Variants in RAD21 observed in about 807,000 individuals in gnomAD.
The protein encoded by RAD21 is double-strand-break repair protein rad21 homolog.
RAD21 carries 18 observed loss-of-function variants against 71.5 expected under a neutral mutation model. That is an observed-to-expected ratio of 0.25 (90% confidence interval 0.17 to 0.37). The LOEUF (loss-of-function observed/expected upper bound fraction) is 0.37. Ranked by LOEUF, RAD21 falls within the 10% of genes least tolerant of loss-of-function variation. RAD21 has a pLI of 1.00. For missense variants in RAD21, 493 were observed against 769.1 expected (o/e 0.64, Z 4.25); for synonymous variants, 248 against 254.0 (o/e 0.98, Z 0.22).
Position 116,874,651 on chromosome 8 carries a change from G to A in RAD21, c.-73C>T. On this transcript the variant is annotated 5_prime_UTR_variant, in exon 1 of 14. Coordinates refer to ENST00000297338, the MANE Select transcript of RAD21 (RefSeq NM_006265.3). ...GAGTTGGGCGGGCTGGGTGGCCCGG[G>A]GAGGGGAAAAGGGTCGGGGGAGGGG... The A allele has an allele frequency of 2.7e-6, 1 of 367,342 alleles. No individual in the cohort carries two copies. Among genetic ancestry groups the A allele is most frequent in the South Asian group, 2.0e-5 (1 of 50,396 alleles). The allele number at this position is 367,342 out of a possible 1,614,324, so 22.8% of individuals were successfully genotyped here. A position where few individuals can be genotyped will look rare whatever the true frequency, so the allele number is the denominator to read the frequency against.
At position 116,847,077 on chromosome 8, in the gene RAD21, T is replaced by C. The variant is rs1812265087; in HGVS notation, c.*423A>G. 1 of 230,082 alleles carries C rather than the reference T, an allele frequency of 4.3e-6. No homozygotes were observed. Among genetic ancestry groups the C allele is most frequent in the Non-Finnish European group, 8.6e-6 (1 of 116,130 alleles). The allele number at this position is 230,082 out of a possible 1,614,324, so 14.3% of individuals were successfully genotyped here. A position where few individuals can be genotyped will look rare whatever the true frequency, so the allele number is the denominator to read the frequency against. On this transcript the variant is annotated 3_prime_UTR_variant, in exon 14 of 14. Transcript: ENST00000297338. ...TGATGGAAAGAAGTGTTTGTTTGTT[T>C]TTTTTTCTTGTCAAAGACTTACACC...
chr8:116,850,721 G>T lies in RAD21; in HGVS notation c.1517C>A (p.Pro506Gln). Residue 506 changes from proline to glutamine, a missense_variant, in exon 12 of 14, where the codon CCA becomes CAA. Coordinates refer to ENST00000297338, the MANE Select transcript of RAD21 (RefSeq NM_006265.3). Reference sequence around the variant, plus strand: ...CTGACAGATATTTGGAGGTTCTTCTGGGGGAAGCTCTACAGGTGGTATTTC... The same window carrying T: ...CTGACAGATATTTGGAGGTTCTTCTTGGGGAAGCTCTACAGGTGGTATTTC... ...QMEIPPVELP[P>Q]EEPPNICQLI... is the part of the protein sequence containing the mutation. 6.2e-7 allele frequency: 1 copy of T among 1,613,296 alleles called. No homozygotes were observed. Among genetic ancestry groups the T allele is most frequent in the African/African-American group, 1.3e-5 (1 of 74,960 alleles).
chr8:116,858,657 T>C (rs1379661175), intron 4 of RAD21, among the ~76,000 whole-genome samples, 199 bp from the exon 5 acceptor site: 2 of 152,168 alleles, frequency 1.3e-5, no homozygotes, highest in African/African-American at 4.8e-5. Context: ...GTATTTAAAT[T>C]TGAAAAGCAT....
intron 2 of RAD21, among the ~76,000 whole-genome samples, chr8:116,866,362 T>C (rs775330924): frequency 1.3e-5 from 2 of 150,994 alleles, no homozygotes; most frequent in Non-Finnish European, 2.9e-5. Flanking sequence ...CCATTAAAAA[T>C]AGGCAAATCA....
At chr8:116,869,394 G>A (rs1217289887) in intron 1 of RAD21, among the ~76,000 whole-genome samples, 6 of 152,230 alleles carry the variant, frequency 3.9e-5, no homozygotes. Context: ...AGACCAGTCA[G>A]GACAATTTGG....
At chr8:116,863,385 C>A (rs534327825) in intron 2 of RAD21, 126 bp from the exon 3 acceptor site, 3 of 991,182 alleles carry the variant, frequency 3.0e-6, no homozygotes, top group South Asian at 2.2e-5. Flanking sequence ...CCTATAAATT[C>A]CCTGAATATC....
chr8:116,874,450 G>C (rs1316327828), intron 1 of RAD21, 161 bp downstream of exon 1: 1 of 206,554 alleles, frequency 4.8e-6, no homozygotes, highest in African/African-American at 2.4e-5. Flanking sequence ...TGGCGCCGCC[G>C]CTTGGGCGCC....
intron 13 of RAD21, among the ~76,000 whole-genome samples, chr8:116,848,270 AAAAGG>A (rs1293478698): frequency 6.6e-6 from 1 of 152,236 alleles, no homozygotes; most frequent in Non-Finnish European, 1.5e-5. Flanking sequence ...TCAAGAGGGT[AAAAGG>A]CCAAAGTATG....
intron 4 of RAD21, among the ~76,000 whole-genome samples, chr8:116,861,023 GC>G (rs576105934): frequency 6.1e-4 from 93 of 152,116 alleles, no homozygotes; most frequent in Non-Finnish European, 1.1e-3. Context: ...CTAGTTATTA[GC>G]TATGTTTAAA....
intron 2 of RAD21, among the ~76,000 whole-genome samples, chr8:116,864,684 G>A (rs537972304): frequency 6.6e-6 from 1 of 151,884 alleles, no homozygotes; most frequent in Non-Finnish European, 1.5e-5. Flanking sequence ...AACAAAGGAG[G>A]GAAAAAAAAC....
At chr8:116,861,805 C>A (rs1216608008) in intron 4 of RAD21, 36 bp downstream of exon 4, 1 of 1,518,192 alleles carries the variant, frequency 6.6e-7, no homozygotes, top group Non-Finnish European at 9.1e-7. Context: ...TTATTGCAGA[C>A]CAAGTCAACA....
chr8:116,849,035 T>C lies in RAD21; in HGVS notation c.1621-6A>G, dbSNP rs1400544083. 5 of 1,568,304 alleles carry C rather than the reference T, an allele frequency of 3.2e-6. No individual in the cohort carries two copies. The highest frequency in any genetic ancestry group is 2.3e-5 in the East Asian group (1 of 43,044). On this transcript the variant is annotated splice_polypyrimidine_tract_variant and splice_region_variant and intron_variant, in intron 12 of 13. Coordinates refer to ENST00000297338, the MANE Select transcript of RAD21 (RefSeq NM_006265.3). Reference sequence around the variant, plus strand: ...CCCCCTGATGCATCTTCATCCTGAATAAAAATGACCCCCAAAAAGCTGACA... The same window carrying C: ...CCCCCTGATGCATCTTCATCCTGAACAAAAATGACCCCCAAAAAGCTGACA...
intron 4 of RAD21, among the ~76,000 whole-genome samples, chr8:116,861,226 T>C (rs1812586241): frequency 6.6e-6 from 1 of 151,918 alleles, no homozygotes; most frequent in South Asian, 2.1e-4. Context: ...TGGTTGTCAG[T>C]TATGCTAATA....
At chr8:116,867,042 A>G (rs981769208) in intron 1 of RAD21, 3 of 198,622 alleles carry the variant, frequency 1.5e-5, no homozygotes, top group African/African-American at 6.9e-5. Context: ...ATCTTGATTG[A>G]CAGTAGAAAT....
rs2130466739 is a variant in RAD21 at position 116,856,278 on chromosome 8, A to T, written c.825T>A (p.Pro275=). The T allele has an allele frequency of 1.3e-6, 2 of 1,486,162 alleles. No individual in the cohort carries two copies. Among genetic ancestry groups the T allele is most frequent in the Non-Finnish European group, 1.8e-6 (2 of 1,126,414 alleles). 92.1% of individuals were successfully genotyped at this position (1,486,162 alleles called of 1,614,324 possible). Residue 275 remains proline (P), a synonymous_variant, in exon 8 of 14, where the codon CCT becomes CCA. Transcript: ENST00000297338. The stretch of plus-strand genomic sequence containing the variant: ...CGGGATCCACTGAATCAGGACTATC[A>T]GGCCCACCCACTGTAAAAAAAAAAA... ...DEDDNVSMGG[P]DSPDSVDPVE... is the part of the protein sequence containing the mutation.
intron 3 of RAD21, 23 bp downstream of exon 3, chr8:116,863,107 A>G (rs1812624652): frequency 6.3e-7 from 1 of 1,578,580 alleles, no homozygotes; most frequent in African/African-American, 1.4e-5. Flanking sequence ...ACAACAACAA[A>G]AACCAAACAA....
intron 12 of RAD21, 123 bp downstream of exon 12, chr8:116,850,495 T>C: frequency 6.9e-7 from 1 of 1,444,276 alleles, no homozygotes; most frequent in South Asian, 1.4e-5. Context: ...AAAATTTTGC[T>C]TATATTCTAA....
At chr8:116,854,126 A>G in intron 9 of RAD21, 119 bp downstream of exon 9, 3 of 749,122 alleles carry the variant, frequency 4.0e-6, no homozygotes, top group Non-Finnish European at 6.3e-6. Flanking sequence ...AGGGAGAAAA[A>G]AGAAAATGTG....
intron 5 of RAD21, among the ~76,000 whole-genome samples, chr8:116,858,127 A>G (rs144885660): frequency 1.1e-4 from 16 of 152,316 alleles, no homozygotes; most frequent in Admixed American, 6.5e-4. Flanking sequence ...AAATCAATAT[A>G]TAGGTTCTAT....
Sources: gnomAD v4.1 joint callset for allele counts (sites outside exome capture counted in the v4.1 genomes callset) on GRCh38, gnomAD v4.1.1 for gene constraint, MANE v1.5 for transcripts, NCBI Gene and HGNC (gene_info 2026-07-23, HGNC 2026-07-21) for gene names.